The following ASB10 variants were observed in gnomAD, a reference collection of about 807,000 sequenced individuals.
ASB10 encodes ankyrin repeat and SOCS box containing 10, also known as ankyrin repeat and SOCS box protein 10.
Under a neutral mutation model 35.4 loss-of-function variants are expected in ASB10, and 44 were observed. The observed-to-expected ratio is 1.24, with a 90% CI of 0.98 to 1.60. The LOEUF (loss-of-function observed/expected upper bound fraction) is 1.60. Ranked by LOEUF, ASB10 falls within the 40% of genes most tolerant of loss-of-function variation. The probability of loss-of-function intolerance (pLI) is 0.00; values close to 1 mark genes in which losing one functional copy is unlikely to be tolerated. For missense variants in ASB10, 647 were observed against 634.3 expected (o/e 1.02, Z -0.22); for synonymous variants, 294 against 280.4 (o/e 1.05, Z -0.49).
Position 151,181,130 on chromosome 7 carries a change from C to T in ASB10, c.913G>A (p.Gly305Ser), listed in dbSNP as rs769491777. Residue 305 changes from glycine (G) to serine (S), a missense_variant, in exon 3 of 6, where the codon GGC becomes AGC. By Grantham distance (56) the Gly-to-Ser change is moderately conservative. Coordinates refer to ENST00000420175, the MANE Select transcript of ASB10 (RefSeq NM_001142459.2). ...AGCAGCTCCACGACAGCTGCATGGC[C>T]ACGGCGGCAGGCCAGGTGCAGGGGT... is the stretch of plus-strand genomic sequence containing the variant. Reference protein sequence around the residue: ...QRPLHLACRRGHAAVVELLLS... With the variant: ...QRPLHLACRRSHAAVVELLLS... 6.2e-7 allele frequency: 1 copy of T among 1,611,778 alleles called. No individual in the cohort carries two copies. Among genetic ancestry groups the T allele is most frequent in the East Asian group, 2.2e-5 (1 of 44,836 alleles).
At position 151,186,850 on chromosome 7, in the gene ASB10, C is replaced by T. The variant is rs147737381; in HGVS notation, c.281G>A (p.Arg94Gln). 3.5e-4 allele frequency: 570 copies of T among 1,609,346 alleles called. No homozygotes were observed. Among genetic ancestry groups the T allele is most frequent in the African/African-American group, 2.8e-3 (212 of 74,988 alleles). ...DSVFDTSDPE[R>Q]WRDFRFNIRA... ...GATGTTGAAGCGGAAATCCCTCCAT[C>T]GCTCTGGGTCGCTGGTATCAAAGAC... The change falls in exon 1 of 6, where the codon CGA becomes CAA. Residue 94 changes from arginine (R) to glutamine (Q), a missense_variant. Transcript: ENST00000420175.
chr7:151,187,556 G>A (rs1036544502), upstream of ASB10: 1 of 1,551,432 alleles, frequency 6.4e-7, no homozygotes, highest in African/African-American at 1.4e-5. The surrounding 1 kb of genome is among the most constrained non-coding windows in gnomAD (Gnocchi z 5.3). Flanking sequence ...CAGGTCCCCG[G>A]TGTAGAGGGC....
intron 2 of ASB10, among the ~76,000 whole-genome samples, chr7:151,184,263 A>T (rs1397660032): frequency 6.6e-6 from 1 of 152,076 alleles, no homozygotes; most frequent in East Asian, 1.9e-4. Flanking sequence ...AAATACAAAA[A>T]GTAGCCGGGT....
At chr7:151,187,389 C>T, upstream of ASB10, 2 of 1,549,270 alleles carry the variant, frequency 1.3e-6, no homozygotes, top group Non-Finnish European at 1.7e-6. This position sits in a 1 kb window ranked among gnomAD's most constrained non-coding sequence, Gnocchi z 5.3. Context: ...GCCCTTAGGA[C>T]CTCTGTGGCC....
chr7:151,186,264 C>T (rs1194894546), intron 2 of ASB10, 128 bp downstream of exon 2: 3 of 1,233,756 alleles, frequency 2.4e-6, no homozygotes, highest in Non-Finnish European at 3.3e-6. Flanking sequence ...AGTAATTGCA[C>T]CCTGACCCGC....
Position 151,176,658 on chromosome 7 carries a change from TGCTCCAGC to T in ASB10, c.1115_1122del (p.Arg372HisfsTer29), listed in dbSNP as rs1347258744. 42 of 1,551,284 alleles carry T rather than the reference TGCTCCAGC, an allele frequency of 2.7e-5. No homozygotes were observed. The highest frequency in any genetic ancestry group is 3.6e-5 in the Non-Finnish European group (41 of 1,146,876). The stretch of plus-strand genomic sequence containing the variant: ...AGGACCTCGATGGTCCGAGGGCACG[TGCTCCAGC>T]GCTCCAGCACCTGTGGGAGGCAGAG... On this transcript the variant is annotated frameshift_variant, in exon 4 of 6. Transcript: ENST00000420175. LOFTEE classifies it high-confidence loss of function.
rs549021328 is a variant in ASB10 at position 151,184,306 on chromosome 7, G to A, written c.584+2086C>T. On this transcript the variant is annotated intron_variant, in intron 2 of 5. Coordinates refer to ENST00000420175, the MANE Select transcript of ASB10 (RefSeq NM_001142459.2). ...TGGGCGCCTGTAGTTCCAGCTACTC[G>A]GGAGGCTGAGGCGGGAGAATGGCGT... 4.5e-4 allele frequency among the ~76,000 whole-genome samples: 68 copies of A among 152,110 alleles called. No homozygotes were observed. In the Middle Eastern group the frequency reaches 0.02, roughly 46 times the overall value.
chr7:151,187,525 G>A (rs538526869), upstream of ASB10: 8 of 1,551,498 alleles, frequency 5.2e-6, no homozygotes, highest in African/African-American at 4.1e-5. The surrounding 1 kb of genome is among the most constrained non-coding windows in gnomAD (Gnocchi z 5.3). Context: ...TGTGCGGGGG[G>A]AACAGCTCCT....
Position 151,187,032 on chromosome 7 carries a change from T to G in ASB10, c.99A>C (p.Arg33Ser). ...CAGACTTGAGGTGCTCCTCAGACCC[T>G]CTGCTGGGCTTCTCCACCAGCCTGG... ...LCARLVEKPS[R>S]GSEEHLKSGP... The change falls in exon 1 of 6, where the codon AGA becomes AGC. Residue 33 changes from arginine (R) to serine (S), a missense_variant. By Grantham distance (110) the Arg-to-Ser change is moderately radical (BLOSUM62 -1). Coordinates refer to ENST00000420175, the MANE Select transcript of ASB10 (RefSeq NM_001142459.2). This position sits in a 1 kb window ranked among gnomAD's most constrained non-coding sequence, Gnocchi z 5.3. 1.2e-6 allele frequency: 2 copies of G among 1,610,530 alleles called. No individual in the cohort carries two copies. Among genetic ancestry groups the G allele is most frequent in the Admixed American group, 3.3e-5 (2 of 59,796 alleles).
At chr7:151,187,520 G>A (rs375653847), upstream of ASB10, 70 of 1,551,308 alleles carry the variant, frequency 4.5e-5, no homozygotes, top group Admixed American at 1.2e-4. The surrounding 1 kb of genome is among the most constrained non-coding windows in gnomAD (Gnocchi z 5.3). Flanking sequence ...TGTGCTGTGC[G>A]GGGGGAACAG....
Position 151,175,982 on chromosome 7 carries a change from T to C in ASB10, c.*1-16A>G. On this transcript the variant is annotated splice_polypyrimidine_tract_variant and intron_variant, in intron 5 of 5. Coordinates refer to ENST00000420175, the MANE Select transcript of ASB10 (RefSeq NM_001142459.2). The stretch of plus-strand genomic sequence containing the variant: ...CCATGGACATCTGGAAGGAGAGGTT[T>C]GGATTCAGAGGCTTCTGGTGGTTCG... 8.5e-7 allele frequency: 1 copy of C among 1,179,644 alleles called. No individual in the cohort carries two copies. The highest frequency in any genetic ancestry group is 1.2e-6 in the Non-Finnish European group (1 of 866,766). The allele number at this position is 1,179,644 out of a possible 1,614,324, so 73.1% of individuals were successfully genotyped here. A position where few individuals can be genotyped will look rare whatever the true frequency, so the allele number is the denominator to read the frequency against.
chr7:151,185,968 A>C (rs182330187), intron 2 of ASB10, among the ~76,000 whole-genome samples: 54 of 151,670 alleles, frequency 3.6e-4, no homozygotes, highest in African/African-American at 1.3e-3. Context: ...ACCATCCTCT[A>C]CTCCCTGTCT....
chr7:151,180,313 G>A (rs1247600152), intron 3 of ASB10, among the ~76,000 whole-genome samples: 1 of 152,238 alleles, frequency 6.6e-6, no homozygotes, highest in African/African-American at 2.4e-5. Context: ...AATTGAAATT[G>A]ACAGTGAAAG....
At chr7:151,187,573 C>G, upstream of ASB10, 1 of 1,551,314 alleles carries the variant, frequency 6.4e-7, no homozygotes. This position sits in a 1 kb window ranked among gnomAD's most constrained non-coding sequence, Gnocchi z 5.3. Flanking sequence ...GGGCATTCTG[C>G]AGGGCCATGT....
rs75840926 is a variant in ASB10 at position 151,178,447 on chromosome 7, G to A, written c.1105-1771C>T. Among the ~76,000 whole-genome samples the A allele has an allele frequency of 3.0e-4, 46 of 152,322 alleles. No homozygotes were observed. The East Asian group carries it at 7.5e-3, about 25-fold the overall frequency. On this transcript the variant is annotated intron_variant, in intron 3 of 5. Transcript: ENST00000420175. Reference sequence around the variant, plus strand: ...GACACTGGCACTAAGACACCCGCTTGTGCCTGAACTCAGTACCTAAAGCAG... The same window carrying A: ...GACACTGGCACTAAGACACCCGCTTATGCCTGAACTCAGTACCTAAAGCAG...
Position 151,181,328 on chromosome 7 carries a change from C to T in ASB10, c.715G>A (p.Ala239Thr), listed in dbSNP as rs758303441. ...TCGGCATTGCGGGCATCAGGACATG[C>T]CCCCCGTCTTAGAAGCAGATCTGCC... The part of the protein sequence containing the change: ...ELADLLLRRG[A>T]CPDARNAEGW... Residue 239 changes from alanine (A) to threonine (T), a missense_variant, in exon 3 of 6, where the codon GCA becomes ACA. By Grantham distance (58) the Ala-to-Thr change is moderately conservative. Transcript: ENST00000420175. 35 of 1,613,020 alleles carry T rather than the reference C, an allele frequency of 2.2e-5. No homozygotes were observed. Among genetic ancestry groups the T allele is most frequent in the Non-Finnish European group, 2.9e-5 (34 of 1,179,964 alleles).
chr7:151,182,238 G>A (rs1028327612), intron 2 of ASB10, among the ~76,000 whole-genome samples: 1 of 152,160 alleles, frequency 6.6e-6, no homozygotes, highest in Non-Finnish European at 1.5e-5. Flanking sequence ...AGGGGGCGTG[G>A]GGCCTGACAG....
At chr7:151,178,749 C>G (rs1014319688) in intron 3 of ASB10, among the ~76,000 whole-genome samples, 1 of 152,190 alleles carries the variant, frequency 6.6e-6, no homozygotes, top group Non-Finnish European at 1.5e-5. Flanking sequence ...GCATTTTACA[C>G]ACCTGGGGCC....
chr7:151,187,737 G>A (rs767766290), upstream of ASB10: 1 of 1,457,794 alleles, frequency 6.9e-7, no homozygotes, highest in Non-Finnish European at 9.1e-7. This position sits in a 1 kb window ranked among gnomAD's most constrained non-coding sequence, Gnocchi z 5.3. Context: ...TGTTCTGGGA[G>A]AGCCAAAGCA....
Sources: allele counts gnomAD v4.1 joint callset (sites outside exome capture counted in the v4.1 genomes callset), GRCh38; gene constraint gnomAD v4.1.1; non-coding constraint Gnocchi (gnomAD v3.1); transcripts MANE v1.5; gene names NCBI Gene and HGNC (gene_info 2026-07-23, HGNC 2026-07-21).